WDR7: variants seen among roughly 807,000 people sequenced by gnomAD.
The protein encoded by WDR7 is WD repeat-containing protein 7.
A neutral mutation model predicts 169.4 loss-of-function variants in WDR7; 46 were observed. The observed-to-expected ratio is 0.27, with a 90% CI of 0.21 to 0.35. The LOEUF (loss-of-function observed/expected upper bound fraction) is 0.35, where lower values mean the gene tolerates loss of function less well. Among genes scored for constraint, WDR7 ranks in the 10% least tolerant of loss-of-function variants. WDR7 has a pLI of 1.00. For missense variants in WDR7, 1,534 were observed against 1,859.3 expected (o/e 0.83, Z 3.22); for synonymous variants, 612 against 666.8 (o/e 0.92, Z 1.27).
rs1202208882 is a variant in WDR7 at position 56,664,515 on chromosome 18, GT to G, written c.-19-7971del. Reference sequence around the variant, plus strand: ...AGGAAGATTTTTGCAGAGTTCAGAAGTTTTTTTTTTTCTCCTTTTTTTTTTT... The same window carrying G: ...AGGAAGATTTTTGCAGAGTTCAGAAGTTTTTTTTTTCTCCTTTTTTTTTTT... On this transcript the variant is annotated intron_variant, in intron 1 of 27. Coordinates refer to ENST00000254442, the MANE Select transcript of WDR7 (RefSeq NM_015285.3). 4.2e-3 allele frequency among the ~76,000 whole-genome samples: 472 copies of G among 112,420 alleles called. 4 individuals are homozygous for G. The East Asian group carries it at 0.05, about 12-fold the overall frequency. The allele number at this position is 112,420 out of a possible 152,430, so 73.8% of individuals were successfully genotyped here. A position where few individuals can be genotyped will look rare whatever the true frequency, so the allele number is the denominator to read the frequency against.
chr18:56,817,443 A>G (rs2044997293), intron 20 of WDR7, among the ~76,000 whole-genome samples: 1 of 152,102 alleles, frequency 6.6e-6, no homozygotes, highest in African/African-American at 2.4e-5. Flanking sequence ...TTACATGGGA[A>G]GAAGAAAGTC....
At chr18:56,694,151 C>G (rs1301086390) in intron 9 of WDR7, among the ~76,000 whole-genome samples, 1 of 152,108 alleles carries the variant, frequency 6.6e-6, no homozygotes, top group East Asian at 1.9e-4. Flanking sequence ...GCATGAGCCA[C>G]TGTTCCCTAA....
chr18:56,858,686 G>T (rs2045758281), intron 20 of WDR7, among the ~76,000 whole-genome samples: 1 of 152,064 alleles, frequency 6.6e-6, no homozygotes. Flanking sequence ...AATTAAACTG[G>T]TTTTTCTTTC....
At chr18:56,785,731 T>C (rs2044388159) in intron 19 of WDR7, among the ~76,000 whole-genome samples, 1 of 152,180 alleles carries the variant, frequency 6.6e-6, no homozygotes, top group African/African-American at 2.4e-5. Context: ...ATATTTTATT[T>C]AGGTACATTA....
rs145336877 is a variant in WDR7 at position 56,923,679 on chromosome 18, A to G, written c.3527-243A>G. Among the ~76,000 whole-genome samples the G allele has an allele frequency of 1.2e-3, 177 of 152,358 alleles. 1 individual carries two copies. Among genetic ancestry groups the G allele is most frequent in the Middle Eastern group, 0.01 (3 of 294 alleles). The stretch of plus-strand genomic sequence containing the variant: ...ATATGTTTTGAAATTATATATACTC[A>G]TTTACGTACAATATGTAATTAAAAC... On this transcript the variant is annotated intron_variant, in intron 21 of 27. Coordinates refer to ENST00000254442, the MANE Select transcript of WDR7 (RefSeq NM_015285.3).
chr18:56,960,015 A>G (rs1439896586), intron 25 of WDR7, among the ~76,000 whole-genome samples: 4 of 152,192 alleles, frequency 2.6e-5, no homozygotes, highest in African/African-American at 9.7e-5. Context: ...TAAGAGAGCC[A>G]CTGCTAAAGG....
At chr18:56,906,805 G>T (rs2046484329) in intron 21 of WDR7, among the ~76,000 whole-genome samples, 1 of 152,118 alleles carries the variant, frequency 6.6e-6, no homozygotes, top group Non-Finnish European at 1.5e-5. Context: ...GCCTCCCAAA[G>T]TGCTGGGATT....
At chr18:56,784,377 A>T (rs1171069749) in intron 19 of WDR7, among the ~76,000 whole-genome samples, 1 of 152,234 alleles carries the variant, frequency 6.6e-6, no homozygotes, top group Admixed American at 6.5e-5. Context: ...GTAAAGGTGC[A>T]CATTGCTGTA....
At chr18:57,017,443 T>TGC (rs1555726478) in intron 26 of WDR7, among the ~76,000 whole-genome samples, 18 of 139,710 alleles carry the variant, frequency 1.3e-4, no homozygotes, top group African/African-American at 4.5e-4. Context: ...TGTGTGTGTG[T>TGC]GCATGTGTGT....
At chr18:56,902,549 G>T (rs1274584307) in intron 21 of WDR7, among the ~76,000 whole-genome samples, 4 of 152,176 alleles carry the variant, frequency 2.6e-5, no homozygotes, top group Non-Finnish European at 5.9e-5. Flanking sequence ...CTGAATGCCT[G>T]TGTTGCAGGT....
chr18:56,780,164 G>A (rs1268077979), intron 18 of WDR7, among the ~76,000 whole-genome samples: 4 of 152,176 alleles, frequency 2.6e-5, no homozygotes, highest in Non-Finnish European at 4.4e-5. Flanking sequence ...CATGGTAGGA[G>A]CTCACTAAAT....
chr18:56,938,808 A>AGTTTGT (rs1555714416), intron 24 of WDR7, 126 bp downstream of exon 24: 7 of 661,744 alleles, frequency 1.1e-5, no homozygotes, highest in African/African-American at 3.8e-5. Flanking sequence ...AGAAAGAATG[A>AGTTTGT]GTGTGTGTGT....
At chr18:56,821,098 G>C (rs1416439896) in intron 20 of WDR7, among the ~76,000 whole-genome samples, 1 of 152,070 alleles carries the variant, frequency 6.6e-6, no homozygotes, top group Non-Finnish European at 1.5e-5. Context: ...CACTGTTTAG[G>C]ATATGCCATT....
intron 14 of WDR7, among the ~76,000 whole-genome samples, chr18:56,735,875 G>A (rs1046958430): frequency 6.6e-6 from 1 of 152,144 alleles, no homozygotes; most frequent in Admixed American, 6.6e-5. Context: ...ATGGGTCATA[G>A]TTTGCCGACC....
chr18:56,991,293 T>C (rs1393885567), intron 26 of WDR7, among the ~76,000 whole-genome samples: 1 of 152,096 alleles, frequency 6.6e-6, no homozygotes, highest in African/African-American at 2.4e-5. Context: ...ACTACAGGCG[T>C]CCGTCACCAC....
chr18:56,802,761 T>A (rs1388438948), intron 19 of WDR7, among the ~76,000 whole-genome samples: 1 of 152,144 alleles, frequency 6.6e-6, no homozygotes, highest in African/African-American at 2.4e-5. Flanking sequence ...GTCTGCGGGT[T>A]GTTTTTCATT....
intron 13 of WDR7, 77 bp downstream of exon 13, chr18:56,718,236 A>C (rs942115783): frequency 2.2e-6 from 3 of 1,360,654 alleles, no homozygotes; most frequent in Non-Finnish European, 1.9e-6. Context: ...AATGTCTTTT[A>C]TATGAAGAAA....
rs540079547 is a variant in WDR7 at position 56,885,817 on chromosome 18, ACT to A, written c.3526+5655_3526+5656del. Among the ~76,000 whole-genome samples, 824 of 145,616 alleles carry A rather than the reference ACT, an allele frequency of 5.7e-3. 11 individuals carry two copies. Among genetic ancestry groups the A allele is most frequent in the African/African-American group, 0.021 (781 of 37,750 alleles). ...ACTCCAGCCTAGGCGACAGAGCGAG[ACT>A]CTGTCTCAAAAAAAAAAAAAAACAA... is the stretch of plus-strand genomic sequence containing the variant. On this transcript the variant is annotated intron_variant, in intron 21 of 27. Transcript: ENST00000254442.
At chr18:56,994,117 T>G (rs1332761740) in intron 26 of WDR7, among the ~76,000 whole-genome samples, 5 of 150,926 alleles carry the variant, frequency 3.3e-5, no homozygotes, top group Non-Finnish European at 7.4e-5. Context: ...CCTCCTGGGC[T>G]CAAGCAATCC....
Sources: gnomAD v4.1 joint callset for allele counts (sites outside exome capture counted in the v4.1 genomes callset) on GRCh38, gnomAD v4.1.1 for gene constraint, MANE v1.5 for transcripts, NCBI Gene and HGNC (gene_info 2026-07-23, HGNC 2026-07-21) for gene names.